Variants in BPNT1 observed in about 807,000 individuals in gnomAD.
BPNT1 encodes 3'(2'), 5'-bisphosphate nucleotidase 1, also known as 3'(2'),5'-bisphosphate nucleotidase 1.
In BPNT1, 28 loss-of-function variants were observed where a neutral mutation model predicts 36.9. The ratio of observed to expected loss-of-function variants is 0.76; its 90% confidence interval spans 0.56 to 1.04. The LOEUF (loss-of-function observed/expected upper bound fraction) is 1.04. Ranked by LOEUF, BPNT1 falls within the 50% of genes least tolerant of loss-of-function variation. The pLI is 0.00. For missense variants in BPNT1, 313 were observed against 372.9 expected, an observed-to-expected ratio of 0.84 and a Z score of 1.32; for synonymous variants, 119 against 130.9, an observed-to-expected ratio of 0.91 and a Z score of 0.62.
At chr1:220,074,773 C>T (rs1664393348) in intron 2 of BPNT1, among the ~76,000 whole-genome samples, 1 of 152,068 alleles carries the variant, frequency 6.6e-6, no homozygotes. Context: ...AGATTACAGG[C>T]ATGAGCCACC....
chr1:220,078,340 T>C (rs960007579), intron 2 of BPNT1, among the ~76,000 whole-genome samples: 2 of 144,066 alleles, frequency 1.4e-5, no homozygotes, highest in Admixed American at 7.2e-5. Flanking sequence ...AATATATAAT[T>C]AATAATAATT....
chr1:220,062,835 A>G lies in BPNT1; in HGVS notation c.594T>C (p.His198=), dbSNP rs751905267. Residue 198 remains histidine (H), a synonymous_variant, in exon 7 of 9, where the codon CAT becomes CAC. Transcript: ENST00000322067. ...CACAGTCAGTAACCAACTTGTTGCT[A>G]TGGGATCGAGTAGTTGTGATAATGT... ...GKHIITTTRS[H]SNKLVTDCVA... is the part of the protein sequence containing the mutation. 35 of 1,614,140 alleles carry G rather than the reference A, an allele frequency of 2.2e-5. No homozygotes were observed. In the South Asian group the frequency reaches 3.5e-4, roughly 16 times the overall value.
Position 220,057,916 on chromosome 1 carries a change from A to T in BPNT1, c.*928T>A. On this transcript the variant is annotated 3_prime_UTR_variant, in exon 9 of 9. Coordinates refer to ENST00000322067, the MANE Select transcript of BPNT1 (RefSeq NM_006085.6). ...GTTTAGGCCAGGTGCGGTGGCTCAC[A>T]CCTGTAATCCCAGCACTTTGGGAGT... 1 of 1,267,856 alleles carries T rather than the reference A, an allele frequency of 7.9e-7. No homozygotes were observed. Among genetic ancestry groups the T allele is most frequent in the Non-Finnish European group, 1.0e-6 (1 of 961,076 alleles). The allele number at this position is 1,267,856 out of a possible 1,614,324, so 78.5% of individuals were successfully genotyped here. A position where few individuals can be genotyped will look rare whatever the true frequency, so the allele number is the denominator to read the frequency against.
chr1:220,073,025 T>A, intron 3 of BPNT1, 68 bp from the exon 4 acceptor site: 1 of 1,221,616 alleles, frequency 8.2e-7, no homozygotes, highest in Non-Finnish European at 1.2e-6. Context: ...TTTGTCTCAT[T>A]AACAGAAGAA....
At chr1:220,070,651 A>G (rs1250286110) in intron 4 of BPNT1, among the ~76,000 whole-genome samples, 1 of 151,026 alleles carries the variant, frequency 6.6e-6, no homozygotes, top group Non-Finnish European at 1.5e-5. Context: ...TTTAGTAGAG[A>G]TGGGGTTTCA....
chr1:220,072,358 T>C (rs1197178554), intron 4 of BPNT1, among the ~76,000 whole-genome samples: 2 of 149,914 alleles, frequency 1.3e-5, no homozygotes, highest in African/African-American at 4.9e-5. Context: ...CGAGACTCCG[T>C]CTCAGAAAAA....
chr1:220,080,481 C>T (rs1314078242), intron 1 of BPNT1, among the ~76,000 whole-genome samples: 1 of 152,162 alleles, frequency 6.6e-6, no homozygotes, highest in Non-Finnish European at 1.5e-5. Flanking sequence ...AATTGACTCA[C>T]AGTTCAGCAT....
In BPNT1 at chr1:220,067,456, A is replaced by G. The variant is rs1663640060; in HGVS notation, c.383-63T>C. On this transcript the variant is annotated intron_variant, in intron 5 of 8. Transcript: ENST00000322067. ...TCATATTATGACTCATCATTACTAC[A>G]TCAATTGCTCCAAGTTAGTTTTGCA... The G allele has an allele frequency of 2.7e-6, 3 of 1,113,564 alleles. No individual in the cohort carries two copies. The East Asian group carries it at 8.3e-5, about 31-fold the overall frequency. The allele number at this position is 1,113,564 out of a possible 1,614,324, so 69.0% of individuals were successfully genotyped here.
chr1:220,067,893 G>C (rs1176965890), intron 5 of BPNT1, among the ~76,000 whole-genome samples: 1 of 152,168 alleles, frequency 6.6e-6, no homozygotes, highest in Admixed American at 6.6e-5. Context: ...CAAAATCTGA[G>C]AGTGGGGGAC....
chr1:220,075,389 A>G (rs1312266967), intron 2 of BPNT1, among the ~76,000 whole-genome samples: 1 of 152,212 alleles, frequency 6.6e-6, no homozygotes, highest in Non-Finnish European at 1.5e-5. Context: ...ATAAGAAGTC[A>G]TTATGAAAAG....
chr1:220,072,660 T>C (rs1170452956), intron 4 of BPNT1, among the ~76,000 whole-genome samples, 190 bp downstream of exon 4: 2 of 152,158 alleles, frequency 1.3e-5, no homozygotes, highest in East Asian at 3.9e-4. Context: ...AGGAAACCCA[T>C]AGGATGAGAA....
intron 1 of BPNT1, among the ~76,000 whole-genome samples, chr1:220,088,234 C>G (rs1008575295): frequency 1.3e-5 from 2 of 151,686 alleles, no homozygotes; most frequent in African/African-American, 4.8e-5. Flanking sequence ...TGGCTCACAC[C>G]TGTAATCCCA....
Position 220,058,291 on chromosome 1 carries a change from A to T in BPNT1, c.*553T>A, listed in dbSNP as rs533814046. On this transcript the variant is annotated 3_prime_UTR_variant, in exon 9 of 9. Coordinates refer to ENST00000322067, the MANE Select transcript of BPNT1 (RefSeq NM_006085.6). ...TTTCTCCACCTAAATACAGGAAAAC[A>T]AATATAACATATTGAGTTTATAAGT... 4.3e-4 allele frequency: 430 copies of T among 989,052 alleles called. 1 individual carries two copies. In the African/African-American group the frequency reaches 6.4e-3, roughly 15 times the overall value. The allele number at this position is 989,052 out of a possible 1,614,324, so 61.3% of individuals were successfully genotyped here.
intron 6 of BPNT1, among the ~76,000 whole-genome samples, chr1:220,065,030 G>A (rs1265339439): frequency 1.3e-5 from 2 of 152,028 alleles, no homozygotes; most frequent in Non-Finnish European, 2.9e-5. Context: ...GGCTGGCCTC[G>A]AACTCCTGAC....
At chr1:220,060,507 A>C (rs571087619) in intron 7 of BPNT1, among the ~76,000 whole-genome samples, 221 of 152,156 alleles carry the variant, frequency 1.5e-3, no homozygotes, top group Middle Eastern at 6.8e-3. Context: ...TCAAAAAAAA[A>C]CCCTGACCAT....
At chr1:220,080,775 C>T (rs1178882993) in intron 1 of BPNT1, among the ~76,000 whole-genome samples, 1 of 152,170 alleles carries the variant, frequency 6.6e-6, no homozygotes, top group Admixed American at 6.5e-5. Context: ...CATATAACTA[C>T]AATTATTTTC....
At chr1:220,065,119 T>G (rs1450439430) in intron 6 of BPNT1, among the ~76,000 whole-genome samples, 1 of 152,312 alleles carries the variant, frequency 6.6e-6, no homozygotes, top group East Asian at 1.9e-4. Flanking sequence ...AGAAACCTAT[T>G]TATTAATGCA....
intron 2 of BPNT1, 113 bp from the exon 3 acceptor site, chr1:220,074,184 T>C (rs764265903): frequency 1.4e-5 from 13 of 917,184 alleles, no homozygotes; most frequent in Non-Finnish European, 2.1e-5. Context: ...TTTAGAGTCA[T>C]AGAACTTAAC....
At chr1:220,068,640 A>G (rs1033439848) in intron 5 of BPNT1, among the ~76,000 whole-genome samples, 7 of 151,816 alleles carry the variant, frequency 4.6e-5, no homozygotes, top group Admixed American at 2.0e-4. Flanking sequence ...GTGAAACCCC[A>G]TCTCTCCTAA....
Sources: gnomAD v4.1 joint callset for allele counts (sites outside exome capture counted in the v4.1 genomes callset) on GRCh38, gnomAD v4.1.1 for gene constraint, MANE v1.5 for transcripts, NCBI Gene and HGNC (gene_info 2026-07-23, HGNC 2026-07-21) for gene names.